Variants in CLEC2A observed in about 807,000 individuals in gnomAD.
CLEC2A encodes the protein keratinocyte-associated C-type lectin.
CLEC2A carries 19 observed loss-of-function variants against 18.6 expected under a neutral mutation model. That is an observed-to-expected ratio of 1.02 (90% CI 0.71 to 1.50). CLEC2A has a LOEUF of 1.50. Ranked by LOEUF, CLEC2A falls within the 40% of genes most tolerant of loss-of-function variation. The probability of loss-of-function intolerance (pLI) is 0.00; values close to 1 mark genes in which losing one functional copy is unlikely to be tolerated. For missense variants in CLEC2A, 190 were observed against 207.9 expected, an observed-to-expected ratio of 0.91 and a Z score of 0.53; for synonymous variants, 74 against 64.0, an observed-to-expected ratio of 1.16 and a Z score of -0.75.
At chr12:9,923,984 A>AG (rs1464257851) in intron 2 of CLEC2A, among the ~76,000 whole-genome samples, 5 of 151,930 alleles carry the variant, frequency 3.3e-5, no homozygotes, top group Non-Finnish European at 5.9e-5. Context: ...GAGAGTGGGG[A>AG]GGGATAGCAT....
intron 4 of CLEC2A, among the ~76,000 whole-genome samples, chr12:9,916,411 A>G (rs912683640): frequency 2.6e-5 from 4 of 152,288 alleles, no homozygotes; most frequent in African/African-American, 9.6e-5. Context: ...AATTTGAATT[A>G]GCAAAAGAGA....
rs1863113314 is a variant in CLEC2A, at chr12:9,918,735, A to G, written c.307-1932T>C. Reference sequence around the variant, plus strand: ...CCTCGTTAAGAACTCTTGTTGGAGAACTGGTGCAGTTGTTTGGAAAACATA... The same window carrying G: ...CCTCGTTAAGAACTCTTGTTGGAGAGCTGGTGCAGTTGTTTGGAAAACATA... On this transcript the variant is annotated intron_variant, in intron 3 of 4. Coordinates refer to ENST00000455827, the MANE Select transcript of CLEC2A (RefSeq NM_001130711.2). Among the ~76,000 whole-genome samples the G allele has an allele frequency of 2.6e-5, 4 of 151,364 alleles. No individual in the cohort carries two copies. In the South Asian group the frequency reaches 8.3e-4, roughly 31 times the overall value.
At chr12:9,904,026 C>T (rs908578330) in intron 4 of CLEC2A, among the ~76,000 whole-genome samples, 3 of 152,164 alleles carry the variant, frequency 2.0e-5, no homozygotes, top group Admixed American at 6.6e-5. Context: ...AGCAATGGTC[C>T]GTCACAATAC....
At chr12:9,888,215 G>C in the CLEC2A span, among the ~76,000 whole-genome samples, 1 of 151,926 alleles carries the variant, frequency 6.6e-6, no homozygotes, top group Admixed American at 6.6e-5. Context: ...TGCAGGCCGG[G>C]CATGGTGGCT....
chr12:9,913,682 T>A lies in CLEC2A; in HGVS notation c.411-2A>T. ...GATCCGTTCCCTATAATTTCAAACC[T>A]GAAAAAGAACACTCTAAATCAGTCT... On this transcript the variant is annotated splice_acceptor_variant, in intron 4 of 4. Transcript: ENST00000455827. LOFTEE classifies it high-confidence loss of function. 2 of 1,534,546 alleles carry A rather than the reference T, an allele frequency of 1.3e-6. No individual in the cohort carries two copies. Among genetic ancestry groups the A allele is most frequent in the Non-Finnish European group, 1.8e-6 (2 of 1,137,810 alleles).
At chr12:9,929,427 T>G (rs1467490774) in intron 1 of CLEC2A, among the ~76,000 whole-genome samples, 1 of 152,142 alleles carries the variant, frequency 6.6e-6, no homozygotes, top group Admixed American at 6.5e-5. Flanking sequence ...CATTAGCAAT[T>G]TAAAAAAGAA....
At chr12:9,926,137 G>A (rs1052519539) in intron 2 of CLEC2A, 123 bp downstream of exon 2, 7 of 551,580 alleles carry the variant, frequency 1.3e-5, no homozygotes, top group African/African-American at 5.8e-5. Flanking sequence ...AAAAATTTGA[G>A]GACAAGTGTC....
At chr12:9,892,659 A>G in the CLEC2A span, among the ~76,000 whole-genome samples, 1 of 137,834 alleles carries the variant, frequency 7.3e-6, no homozygotes, top group African/African-American at 2.8e-5. Context: ...ATCACGGCTC[A>G]CCGCAACCTC....
the CLEC2A span, among the ~76,000 whole-genome samples, chr12:9,886,329 T>C: frequency 6.6e-6 from 1 of 152,030 alleles, no homozygotes; most frequent in Admixed American, 6.6e-5. Flanking sequence ...CTCCCAATAA[T>C]CTATCCATAG....
At chr12:9,915,707 T>G (rs1863059687) in intron 4 of CLEC2A, among the ~76,000 whole-genome samples, 2 of 150,428 alleles carry the variant, frequency 1.3e-5, no homozygotes, top group African/African-American at 2.5e-5. Context: ...CAGTAGGGGG[T>G]GGGAGAAAGG....
At chr12:9,912,756 C>T (rs866659530), downstream of CLEC2A, among the ~76,000 whole-genome samples, 7 of 152,100 alleles carry the variant, frequency 4.6e-5, no homozygotes, top group East Asian at 1.9e-4. Flanking sequence ...GAGGAGGGAC[C>T]GTGCTCGCTC....
the CLEC2A span, among the ~76,000 whole-genome samples, chr12:9,886,475 A>G: frequency 3.9e-5 from 6 of 152,184 alleles, no homozygotes; most frequent in Non-Finnish European, 8.8e-5. Context: ...TAGTTCAAAT[A>G]AAGCATAAAA....
chr12:9,906,162 T>G (rs570924568), intron 4 of CLEC2A, among the ~76,000 whole-genome samples: 1 of 152,254 alleles, frequency 6.6e-6, no homozygotes, highest in African/African-American at 2.4e-5. Context: ...TGAGACAAGA[T>G]TTCCCTCATG....
chr12:9,924,252 T>C (rs937879896), intron 2 of CLEC2A, among the ~76,000 whole-genome samples: 3 of 152,196 alleles, frequency 2.0e-5, no homozygotes, highest in Non-Finnish European at 4.4e-5. Context: ...ACTGGCCACA[T>C]AAATGTCTTC....
At chr12:9,897,827 G>C (rs1487769428), downstream of CLEC2A, among the ~76,000 whole-genome samples, 3 of 152,116 alleles carry the variant, frequency 2.0e-5, no homozygotes, top group African/African-American at 7.2e-5. Flanking sequence ...GAGATTCTCT[G>C]GGGATCTGCC....
the CLEC2A span, chr12:9,893,105 G>C: frequency 1.3e-6 from 2 of 1,535,668 alleles, no homozygotes; most frequent in East Asian, 4.9e-5. Flanking sequence ...CGTGGAAAGA[G>C]AGTCAACGTG....
the CLEC2A span, among the ~76,000 whole-genome samples, chr12:9,888,382 C>T: frequency 2.0e-5 from 3 of 151,500 alleles, no homozygotes; most frequent in East Asian, 3.9e-4. Flanking sequence ...CCCATATGCT[C>T]GGGAGGCTGA....
At chr12:9,894,091 TTCTCTTTC>T (rs1277857141), downstream of CLEC2A, among the ~76,000 whole-genome samples, 1 of 150,960 alleles carries the variant, frequency 6.6e-6, no homozygotes, top group African/African-American at 2.4e-5. Flanking sequence ...CTCTTCTTCT[TTCTCTTTC>T]TCTCTTTTTC....
At chr12:9,914,286 C>T (rs536819575) in intron 4 of CLEC2A, among the ~76,000 whole-genome samples, 282 of 152,048 alleles carry the variant, frequency 1.9e-3, no homozygotes, top group Non-Finnish European at 3.1e-3. Context: ...GGCCATATTG[C>T]CCAAAGTAAT....
Sources: allele counts gnomAD v4.1 joint callset (sites outside exome capture counted in the v4.1 genomes callset), GRCh38; gene constraint gnomAD v4.1.1; transcripts MANE v1.5; gene names NCBI Gene and HGNC (gene_info 2026-07-23, HGNC 2026-07-21).